The following LIN52 variants were observed in gnomAD, a reference collection of about 807,000 sequenced individuals.
The protein encoded by LIN52 is protein lin-52 homolog.
A neutral mutation model predicts 18.5 loss-of-function variants in LIN52; 4 were observed. That is an observed-to-expected ratio of 0.22 (90% CI 0.11 to 0.49). The LOEUF (loss-of-function observed/expected upper bound fraction) is 0.49, where lower values mean the gene tolerates loss of function less well. Among genes scored for constraint, LIN52 ranks in the 20% least tolerant of loss-of-function variants. LIN52 has a pLI of 0.97. For synonymous variants in LIN52, 34 were observed against 45.5 expected, an observed-to-expected ratio of 0.75 and a Z score of 1.02; for missense variants, 102 against 139.5, an observed-to-expected ratio of 0.73 and a Z score of 1.35.
chr14:74,154,195 T>C (rs1222481282), intron 5 of LIN52, among the ~76,000 whole-genome samples: 1 of 152,178 alleles, frequency 6.6e-6, no homozygotes, highest in African/African-American at 2.4e-5. Flanking sequence ...TAGGCTTATG[T>C]TGGCATGACA....
At position 74,084,963 on chromosome 14, in the gene LIN52, A is replaced by T; in HGVS notation, c.-12A>T. 6.8e-7 allele frequency: 1 copy of T among 1,461,208 alleles called. No individual in the cohort carries two copies. The allele number at this position is 1,461,208 out of a possible 1,614,324, so 90.5% of individuals were successfully genotyped here. A position where few individuals can be genotyped will look rare whatever the true frequency, so the allele number is the denominator to read the frequency against. The stretch of plus-strand genomic sequence containing the variant: ...CCGACGGTTGGCCACGTCACGTGAC[A>T]TGGGTTGGAAGATGGCGTCTCCCAC... On this transcript the variant is annotated 5_prime_UTR_variant, in exon 1 of 6. An upstream start codon of the reference 5' UTR is lost. Coordinates refer to ENST00000555028, the MANE Select transcript of LIN52 (RefSeq NM_001024674.3).
intron 5 of LIN52, among the ~76,000 whole-genome samples, chr14:74,197,028 G>T (rs1272593818): frequency 6.6e-6 from 1 of 152,164 alleles, no homozygotes; most frequent in African/African-American, 2.4e-5. Flanking sequence ...GTTAGTCCTT[G>T]ACCCCAGTCT....
intron 5 of LIN52, among the ~76,000 whole-genome samples, chr14:74,103,235 T>G (rs914199033): frequency 2.6e-5 from 4 of 151,874 alleles, no homozygotes; most frequent in Non-Finnish European, 5.9e-5. Flanking sequence ...TGCACCATGA[T>G]GTCTGACCAA....
At chr14:74,163,701 T>C (rs1243386799) in intron 5 of LIN52, among the ~76,000 whole-genome samples, 1 of 151,884 alleles carries the variant, frequency 6.6e-6, no homozygotes, top group Non-Finnish European at 1.5e-5. Context: ...TTTTGGAAGG[T>C]GGAAAGTATG....
intron 5 of LIN52, among the ~76,000 whole-genome samples, chr14:74,122,115 C>G (rs559823945): frequency 6.6e-6 from 1 of 152,274 alleles, no homozygotes; most frequent in South Asian, 2.1e-4. Context: ...ATTAAAAGAA[C>G]AGGAGTGTCA....
intron 5 of LIN52, among the ~76,000 whole-genome samples, chr14:74,116,207 G>A (rs1168019477): frequency 1.3e-5 from 2 of 152,144 alleles, no homozygotes; most frequent in Admixed American, 1.3e-4. Flanking sequence ...GGAGACTGAG[G>A]CATGAGAATC....
At chr14:74,179,242 T>C (rs182715741) in intron 5 of LIN52, among the ~76,000 whole-genome samples, 1 of 152,284 alleles carries the variant, frequency 6.6e-6, no homozygotes, top group Admixed American at 6.5e-5. Context: ...ATTCATTACA[T>C]TGTTTGATAA....
chr14:74,094,377 A>G (rs564770031), intron 2 of LIN52, among the ~76,000 whole-genome samples: 1 of 151,906 alleles, frequency 6.6e-6, no homozygotes, highest in South Asian at 2.1e-4. Flanking sequence ...CTCTCACTTC[A>G]GCCTCCTGAG....
At chr14:74,122,480 T>C (rs2061005778) in intron 5 of LIN52, among the ~76,000 whole-genome samples, 1 of 152,252 alleles carries the variant, frequency 6.6e-6, no homozygotes, top group Non-Finnish European at 1.5e-5. Flanking sequence ...TTCTATTTTA[T>C]TTAAAATATG....
intron 5 of LIN52, among the ~76,000 whole-genome samples, chr14:74,178,708 C>T (rs1384561805): frequency 6.6e-6 from 1 of 151,744 alleles, no homozygotes; most frequent in East Asian, 2.0e-4. Flanking sequence ...GATCCACCCA[C>T]CTCAACCTCC....
intron 5 of LIN52, among the ~76,000 whole-genome samples, chr14:74,154,504 G>A (rs1261727571): frequency 1.3e-5 from 2 of 152,082 alleles, no homozygotes; most frequent in African/African-American, 4.8e-5. Context: ...TCATTTTTCC[G>A]AAGCAGCCAG....
intron 5 of LIN52, among the ~76,000 whole-genome samples, chr14:74,148,303 G>T (rs1165618365): frequency 6.6e-6 from 1 of 152,052 alleles, no homozygotes; most frequent in Non-Finnish European, 1.5e-5. Flanking sequence ...TATTTCTTAA[G>T]ATTTTGATAT....
intron 5 of LIN52, chr14:74,114,410 G>C (rs1415778552): frequency 1.0e-6 from 1 of 985,388 alleles, no homozygotes; most frequent in Non-Finnish European, 1.2e-6. Context: ...TTGAGAGCTT[G>C]AATGGATGAT....
intron 5 of LIN52, among the ~76,000 whole-genome samples, chr14:74,183,402 A>C (rs2061327714): frequency 6.6e-6 from 1 of 152,022 alleles, no homozygotes; most frequent in Non-Finnish European, 1.5e-5. Context: ...CTCAGCCAAA[A>C]AGTTACCCGC....
chr14:74,178,542 C>G (rs2058392), intron 5 of LIN52, among the ~76,000 whole-genome samples: 1 of 151,610 alleles, frequency 6.6e-6, no homozygotes, highest in African/African-American at 2.4e-5. Context: ...ACTGCAAACT[C>G]TGCCTCCTGG....
intron 5 of LIN52, among the ~76,000 whole-genome samples, chr14:74,177,503 GTCAC>G (rs954166575): frequency 5.9e-5 from 9 of 152,138 alleles, no homozygotes; most frequent in Non-Finnish European, 1.3e-4. Context: ...AAACTGATAG[GTCAC>G]TCAACCATTC....
intron 5 of LIN52, among the ~76,000 whole-genome samples, chr14:74,155,371 C>T (rs1456408053): frequency 6.6e-6 from 1 of 152,224 alleles, no homozygotes; most frequent in African/African-American, 2.4e-5. Flanking sequence ...GGAATTCACC[C>T]TGGTGGAAGC....
chr14:74,087,762 C>T (rs148205471), intron 1 of LIN52, among the ~76,000 whole-genome samples: 1,572 of 152,184 alleles, frequency 0.01, 12 homozygotes, highest in Middle Eastern at 0.027. Context: ...TTTGCTGGAG[C>T]GTCTTTGAAA....
At chr14:74,085,036 T>G in intron 1 of LIN52, 43 bp downstream of exon 1, 1 of 1,362,492 alleles carries the variant, frequency 7.3e-7, no homozygotes, top group Non-Finnish European at 9.5e-7. Flanking sequence ...CCTCCTTCTT[T>G]GCTCTACTGG....
Sources: allele counts gnomAD v4.1 joint callset (sites outside exome capture counted in the v4.1 genomes callset), GRCh38; gene constraint gnomAD v4.1.1; transcripts MANE v1.5; gene names NCBI Gene and HGNC (gene_info 2026-07-23, HGNC 2026-07-21).